The following GOLPH3L variants were observed in gnomAD, a reference collection of about 807,000 sequenced individuals.
GOLPH3L encodes golgi phosphoprotein 3 like.
In GOLPH3L, 22 loss-of-function variants were observed where a neutral mutation model predicts 30.3. The ratio of observed to expected loss-of-function variants is 0.73; its 90% CI spans 0.52 to 1.04. The LOEUF (loss-of-function observed/expected upper bound fraction) is 1.04, where lower values mean the gene tolerates loss of function less well. Among genes scored for constraint, GOLPH3L ranks in the 50% least tolerant of loss-of-function variants. The probability of loss-of-function intolerance (pLI) is 0.00; values close to 1 mark genes in which losing one functional copy is unlikely to be tolerated. For missense variants in GOLPH3L, 303 were observed against 345.8 expected (o/e 0.88, Z 0.98); for synonymous variants, 120 against 128.2 (o/e 0.94, Z 0.43).
At chr1:150,674,061 A>G (rs1375771037) in intron 2 of GOLPH3L, among the ~76,000 whole-genome samples, 2 of 152,100 alleles carry the variant, frequency 1.3e-5, no homozygotes, top group Non-Finnish European at 2.9e-5. Context: ...CTTGAATCTG[A>G]GTGACTTATG....
chr1:150,648,381 C>G lies in GOLPH3L; in HGVS notation c.798G>C (p.Gly266=). The stretch of plus-strand genomic sequence containing the variant: ...TCATTTCTGTGGCACTAGGCTTTGT[C>G]CCTTCCACTTCAGGGTCCAGTTCTA... ...DLVELDPEVE[G]TKPSATEMIW... Residue 266 remains glycine (G), a synonymous_variant, in exon 5 of 5, where the codon GGG becomes GGC. Transcript: ENST00000271732. 2.5e-6 allele frequency: 4 copies of G among 1,613,938 alleles called. No individual in the cohort carries two copies. The highest frequency in any genetic ancestry group is 3.4e-6 in the Non-Finnish European group (4 of 1,179,860).
At chr1:150,673,926 CAAA>C (rs71086590) in intron 2 of GOLPH3L, among the ~76,000 whole-genome samples, 3 of 98,608 alleles carry the variant, frequency 3.0e-5, no homozygotes, top group Non-Finnish European at 1.9e-5. Flanking sequence ...CTCCCATCTC[CAAA>C]AAAAAAAAAA....
In GOLPH3L at chr1:150,663,660, A is replaced by C; in HGVS notation, c.287T>G (p.Met96Arg). The C allele has an allele frequency of 7.4e-6, 12 of 1,613,644 alleles. No individual in the cohort carries two copies. Among genetic ancestry groups the C allele is most frequent in the Non-Finnish European group, 9.3e-6 (11 of 1,179,722 alleles). Residue 96 changes from methionine (M) to arginine (R), a missense_variant, in exon 3 of 5, where the codon ATG (methionine) becomes AGG (arginine). Physicochemically the swap from Met to Arg is moderately conservative, Grantham distance 91. Transcript: ENST00000271732. ...TCTGTCTAGTAGTCGCTTCTTACGCATGGTCGGGGGTTCCAGATAGATTCG... is the reference window on the plus strand; with the variant it reads ...TCTGTCTAGTAGTCGCTTCTTACGCCTGGTCGGGGGTTCCAGATAGATTCG... ...RGRIYLEPPT[M>R]RKKRLLDRKV...
chr1:150,693,846 T>C (rs1651275006), intron 2 of GOLPH3L, among the ~76,000 whole-genome samples: 1 of 74,848 alleles, frequency 1.3e-5, no homozygotes, highest in East Asian at 3.8e-4. Flanking sequence ...TATATATATA[T>C]ATTTTTTTTT....
intron 2 of GOLPH3L, among the ~76,000 whole-genome samples, chr1:150,673,628 G>A (rs1330235157): frequency 6.6e-6 from 1 of 151,584 alleles, no homozygotes; most frequent in African/African-American, 2.4e-5. Context: ...TGAGAAGGGG[G>A]AGCAAAAATT....
At chr1:150,673,951 A>T (rs56224120) in intron 2 of GOLPH3L, among the ~76,000 whole-genome samples, 4,671 of 151,512 alleles carry the variant, frequency 0.031, 244 homozygotes, top group African/African-American at 0.11. Context: ...AAGAAAAAAA[A>T]TGGAAAACAT....
intron 2 of GOLPH3L, among the ~76,000 whole-genome samples, chr1:150,668,675 G>A (rs924848595): frequency 1.3e-5 from 2 of 152,106 alleles, no homozygotes; most frequent in Admixed American, 1.3e-4. Context: ...GAGCCACTGT[G>A]CCTGGCCCCA....
intron 2 of GOLPH3L, among the ~76,000 whole-genome samples, chr1:150,684,048 C>A (rs1247939410): frequency 2.6e-5 from 4 of 152,108 alleles, no homozygotes; most frequent in Admixed American, 6.6e-5. Flanking sequence ...CTAAACCAAT[C>A]TGACTGGTGT....
At chr1:150,685,336 A>G (rs16839661) in intron 2 of GOLPH3L, among the ~76,000 whole-genome samples, 2,112 of 152,316 alleles carry the variant, frequency 0.014, 46 homozygotes, top group African/African-American at 0.048. Context: ...AAAGATATGG[A>G]TAAGACCTGA....
rs587746194 is a variant in GOLPH3L, at chr1:150,673,719, G to A, written c.184-9956C>T. 1.9e-4 allele frequency among the ~76,000 whole-genome samples: 29 copies of A among 151,742 alleles called. No individual in the cohort carries two copies. The East Asian group carries it at 4.9e-3, about 25-fold the overall frequency. On this transcript the variant is annotated intron_variant, in intron 2 of 4. Transcript: ENST00000271732. ...CAAGGTGGGAGTACTGCCTGAGCTCGGGAGTTCAGGACCAGCCTGGGCAAC... is the reference window on the plus strand; with the variant it reads ...CAAGGTGGGAGTACTGCCTGAGCTCAGGAGTTCAGGACCAGCCTGGGCAAC...
chr1:150,681,617 T>C (rs1039380689), intron 2 of GOLPH3L, among the ~76,000 whole-genome samples: 5 of 152,160 alleles, frequency 3.3e-5, no homozygotes, highest in Non-Finnish European at 7.3e-5. Context: ...ACCTTAAAGT[T>C]AATAATAATA....
At chr1:150,693,819 G>GTGTGTGTGTA (rs1166804199) in intron 2 of GOLPH3L, among the ~76,000 whole-genome samples, 1 of 86,862 alleles carries the variant, frequency 1.2e-5, no homozygotes, top group African/African-American at 5.0e-5. Flanking sequence ...GTGTGTGTGT[G>GTGTGTGTGTA]TATATATATA....
At chr1:150,692,506 C>T (rs1651236390) in intron 2 of GOLPH3L, among the ~76,000 whole-genome samples, 1 of 152,204 alleles carries the variant, frequency 6.6e-6, no homozygotes, top group South Asian at 2.1e-4. Context: ...TTGACTCAGC[C>T]TCCTGAGTAG....
intron 4 of GOLPH3L, among the ~76,000 whole-genome samples, chr1:150,657,958 T>G (rs1650281703): frequency 1.3e-5 from 2 of 152,204 alleles, no homozygotes; most frequent in Admixed American, 1.3e-4. Flanking sequence ...GCAAAACAAC[T>G]GGTTTGGTGG....
intron 2 of GOLPH3L, among the ~76,000 whole-genome samples, chr1:150,665,919 T>G (rs1650489052): frequency 6.6e-6 from 1 of 152,220 alleles, no homozygotes; most frequent in African/African-American, 2.4e-5. Context: ...TGAAAGATAG[T>G]TTCTCTGGAC....
intron 2 of GOLPH3L, chr1:150,694,209 T>C: frequency 2.3e-6 from 1 of 432,968 alleles, no homozygotes; most frequent in Non-Finnish European, 4.7e-6. Context: ...AAAAAATTAT[T>C]TCTGCTATAA....
chr1:150,683,710 A>G (rs1651017076), intron 2 of GOLPH3L, among the ~76,000 whole-genome samples: 1 of 130,364 alleles, frequency 7.7e-6, no homozygotes, highest in South Asian at 2.5e-4. Context: ...AAAAAAAAAA[A>G]AAAAAAAAAA....
intron 4 of GOLPH3L, among the ~76,000 whole-genome samples, chr1:150,650,992 G>C (rs992832756): frequency 5.3e-5 from 8 of 152,098 alleles, no homozygotes; most frequent in African/African-American, 1.4e-4. Context: ...TTATCATATA[G>C]AGAATATAAA....
chr1:150,683,368 C>G (rs1022065958), intron 2 of GOLPH3L, among the ~76,000 whole-genome samples: 9 of 152,038 alleles, frequency 5.9e-5, no homozygotes, highest in African/African-American at 1.9e-4. Flanking sequence ...AACCCCGTCT[C>G]TACTAAAAAT....
Sources: gnomAD v4.1 joint callset for allele counts (sites outside exome capture counted in the v4.1 genomes callset) on GRCh38, gnomAD v4.1.1 for gene constraint, MANE v1.5 for transcripts, NCBI Gene and HGNC (gene_info 2026-07-23, HGNC 2026-07-21) for gene names.